RC3H1: variants seen among roughly 807,000 people sequenced by gnomAD.
The protein encoded by RC3H1 is ring finger and CCCH-type domains 1, also known as roquin-1.
Under a neutral mutation model 138.2 loss-of-function variants are expected in RC3H1, and 50 were observed. The ratio of observed to expected loss-of-function variants is 0.36; its 90% CI spans 0.29 to 0.46. RC3H1 has a LOEUF of 0.46. RC3H1 is among the 20% of genes least tolerant of loss of function. The pLI is 1.00. For synonymous variants in RC3H1, 462 were observed against 489.1 expected (o/e 0.94, Z 0.73); for missense variants, 1,031 against 1,388.1 (o/e 0.74, Z 4.09).
intron 1 of RC3H1, among the ~76,000 whole-genome samples, chr1:174,002,497 G>A (rs1233738027): frequency 1.3e-5 from 2 of 152,126 alleles, no homozygotes; most frequent in Non-Finnish European, 2.9e-5. Context: ...TTCATTATTA[G>A]TTCTTTCCCC....
rs1410526505 is a variant in RC3H1, at chr1:173,931,964, C to T, written c.*6757G>A. 6.6e-6 allele frequency: 1 copy of T among 150,776 alleles called. No individual in the cohort carries two copies. Among genetic ancestry groups the T allele is most frequent in the African/African-American group, 2.4e-5 (1 of 41,010 alleles). 9.3% of individuals were successfully genotyped at this position (150,776 alleles called of 1,614,324 possible). A position where few individuals can be genotyped will look rare whatever the true frequency, so the allele number is the denominator to read the frequency against. ...GGCAAGAAAGAATAGGGAGCTGTGG[C>T]AATAAAAAAACAAAAAAATGCAAGA... On this transcript the variant is annotated 3_prime_UTR_variant, in exon 20 of 20. Transcript: ENST00000367696.
intron 13 of RC3H1, among the ~76,000 whole-genome samples, chr1:173,957,384 T>C (rs1184749489): frequency 6.6e-6 from 1 of 152,144 alleles, no homozygotes; most frequent in Non-Finnish European, 1.5e-5. Context: ...GATCACACAG[T>C]GAAGGACACA....
At chr1:174,006,206 C>T (rs1019112935) in intron 1 of RC3H1, among the ~76,000 whole-genome samples, 5 of 152,044 alleles carry the variant, frequency 3.3e-5, no homozygotes, top group Non-Finnish European at 5.9e-5. Flanking sequence ...AACTCCATCT[C>T]AAAATAAATA....
At chr1:174,007,339 G>A (rs1186631092) in intron 1 of RC3H1, among the ~76,000 whole-genome samples, 11 of 151,036 alleles carry the variant, frequency 7.3e-5, no homozygotes, top group Admixed American at 4.6e-4. Flanking sequence ...GCAGTGAGCC[G>A]AGATCACTCC....
rs756525375 is a variant in RC3H1 at position 173,983,509 on chromosome 1, T to G, written c.501A>C (p.Thr167=). Residue 167 remains threonine (T), a synonymous_variant, in exon 4 of 20, where the codon ACA becomes ACC. Coordinates refer to ENST00000367696, the MANE Select transcript of RC3H1 (RefSeq NM_172071.4). ...AARSLGERTV[T]ELILQHQNPQ... is the part of the protein sequence containing the mutation. ...GATTCTGGTGCTGGAGAATGAGCTC[T>G]GTAACTGTTCGTTCACCTAAAGATC... 332 of 1,614,110 alleles carry G rather than the reference T, an allele frequency of 2.1e-4. No individual in the cohort carries two copies. Among genetic ancestry groups the G allele is most frequent in the Non-Finnish European group, 2.7e-4 (317 of 1,180,040 alleles).
At chr1:174,003,673 T>C (rs1484816360) in intron 1 of RC3H1, among the ~76,000 whole-genome samples, 2 of 151,738 alleles carry the variant, frequency 1.3e-5, no homozygotes, top group African/African-American at 4.8e-5. Context: ...TTTTTTTTTT[T>C]TTTTTGAGAC....
intron 19 of RC3H1, among the ~76,000 whole-genome samples, chr1:173,940,504 C>T (rs1658805044): frequency 6.6e-6 from 1 of 151,880 alleles, no homozygotes; most frequent in African/African-American, 2.4e-5. Context: ...TATAATACAC[C>T]AAAATGTTAA....
chr1:173,944,166 T>C (rs1157134615), intron 17 of RC3H1, among the ~76,000 whole-genome samples: 5 of 147,362 alleles, frequency 3.4e-5, no homozygotes, highest in Non-Finnish European at 7.5e-5. Flanking sequence ...GAGTGAGACT[T>C]TGTCTCTCAA....
At position 173,954,199 on chromosome 1, in the gene RC3H1, T is replaced by G. The variant is rs117894380; in HGVS notation, c.2371-2061A>C. ...ACCTAGGTATCCAGCAACAGATGAA[T>G]TGATAAAGAAAATGTGGTATATATA... On this transcript the variant is annotated intron_variant, in intron 13 of 19. Transcript: ENST00000367696. Among the ~76,000 whole-genome samples, 37 of 152,214 alleles carry G rather than the reference T, an allele frequency of 2.4e-4. No individual in the cohort carries two copies. The East Asian group carries it at 7.1e-3, about 29-fold the overall frequency.
Position 173,936,524 on chromosome 1 carries a change from A to AT in RC3H1, c.*2196_*2197insA, listed in dbSNP as rs1345966478. ...AGCAGACTCCCTCTCCAAAAAAAAA[A>AT]AAAAAAAAAAAAAAAGAAGGTTGGA... is the stretch of plus-strand genomic sequence containing the variant. On this transcript the variant is annotated 3_prime_UTR_variant, in exon 20 of 20. Transcript: ENST00000367696. 2.7e-5 allele frequency: 4 copies of AT among 148,388 alleles called. No homozygotes were observed. The highest frequency in any genetic ancestry group is 6.0e-5 in the Non-Finnish European group (4 of 67,160). 9.2% of individuals were successfully genotyped at this position (148,388 alleles called of 1,614,324 possible).
At position 173,936,299 on chromosome 1, in the gene RC3H1, T is replaced by C. The variant is rs1333921988; in HGVS notation, c.*2422A>G. The C allele has an allele frequency of 6.6e-6, 1 of 152,068 alleles. No individual in the cohort carries two copies. The highest frequency in any genetic ancestry group is 2.4e-5 in the African/African-American group (1 of 41,398). 9.4% of individuals were successfully genotyped at this position (152,068 alleles called of 1,614,324 possible). A position where few individuals can be genotyped will look rare whatever the true frequency, so the allele number is the denominator to read the frequency against. ...AATCAACTGCTTCTAAAATTTAGGA[T>C]GATCTGACATACCCAAAGGAGAAGA... On this transcript the variant is annotated 3_prime_UTR_variant, in exon 20 of 20. Coordinates refer to ENST00000367696, the MANE Select transcript of RC3H1 (RefSeq NM_172071.4).
intron 11 of RC3H1, among the ~76,000 whole-genome samples, chr1:173,962,609 T>C (rs1214599256): frequency 6.6e-6 from 1 of 152,232 alleles, no homozygotes; most frequent in Non-Finnish European, 1.5e-5. Context: ...TGACGTGATC[T>C]TGGAATTAAG....
At chr1:173,967,112 C>T (rs1260743025) in intron 9 of RC3H1, among the ~76,000 whole-genome samples, 1 of 151,912 alleles carries the variant, frequency 6.6e-6, no homozygotes, top group East Asian at 1.9e-4. Flanking sequence ...CACTTGAGCT[C>T]AGGTATTCAA....
intron 2 of RC3H1, among the ~76,000 whole-genome samples, chr1:173,992,254 C>T (rs967866308): frequency 2.0e-5 from 3 of 152,164 alleles, no homozygotes; most frequent in Admixed American, 1.3e-4. Flanking sequence ...AAGCAATTCT[C>T]GTGTCTCAGC....
intron 2 of RC3H1, among the ~76,000 whole-genome samples, chr1:173,992,478 G>A (rs112523507): frequency 6.6e-6 from 1 of 152,032 alleles, no homozygotes; most frequent in African/African-American, 2.4e-5. Context: ...GCATAGCTAG[G>A]TTTATTGAAT....
chr1:173,977,822 T>G (rs891234896), intron 7 of RC3H1, among the ~76,000 whole-genome samples: 1 of 151,816 alleles, frequency 6.6e-6, no homozygotes, highest in Non-Finnish European at 1.5e-5. Context: ...CAGAAAGATA[T>G]CAAAAAAGTG....
At chr1:174,006,474 A>G (rs1661654731) in intron 1 of RC3H1, among the ~76,000 whole-genome samples, 1 of 152,192 alleles carries the variant, frequency 6.6e-6, no homozygotes, top group African/African-American at 2.4e-5. Context: ...AAACTCAGTT[A>G]CTCAGCTAAC....
At chr1:173,981,723 T>G (rs1057222487) in intron 5 of RC3H1, among the ~76,000 whole-genome samples, 3 of 152,064 alleles carry the variant, frequency 2.0e-5, no homozygotes, top group Admixed American at 2.0e-4. Context: ...TGGAGTTTTG[T>G]GGGATGGGCT....
At chr1:173,990,542 C>T (rs537627491) in intron 2 of RC3H1, among the ~76,000 whole-genome samples, 48 of 151,252 alleles carry the variant, frequency 3.2e-4, no homozygotes, top group Non-Finnish European at 5.9e-4. Flanking sequence ...GACAGTCTTT[C>T]TTACGTGTGT....
Sources: allele counts gnomAD v4.1 joint callset (sites outside exome capture counted in the v4.1 genomes callset), GRCh38; gene constraint gnomAD v4.1.1; transcripts MANE v1.5; gene names NCBI Gene and HGNC (gene_info 2026-07-23, HGNC 2026-07-21).